Variants in PRKCE observed in about 807,000 individuals in gnomAD.
PRKCE encodes protein kinase C epsilon type.
A neutral mutation model predicts 85.4 loss-of-function variants in PRKCE; 16 were observed. The observed-to-expected ratio is 0.19, with a 90% CI of 0.13 to 0.28. The LOEUF (loss-of-function observed/expected upper bound fraction) is 0.28. PRKCE is among the 10% of genes least tolerant of loss of function. PRKCE has a pLI of 1.00. For missense variants in PRKCE, 573 were observed against 975.2 expected (o/e 0.59, Z 5.49); for synonymous variants, 388 against 371.5 (o/e 1.04, Z -0.51).
chr2:45,727,043 G>T (rs1461428665), intron 1 of PRKCE, among the ~76,000 whole-genome samples: 2 of 152,130 alleles, frequency 1.3e-5, no homozygotes, highest in Non-Finnish European at 2.9e-5. Flanking sequence ...TAATAGACCT[G>T]CCATTTGCTA....
At chr2:45,704,732 C>A (rs1473029154) in intron 1 of PRKCE, among the ~76,000 whole-genome samples, 1 of 152,166 alleles carries the variant, frequency 6.6e-6, no homozygotes, top group Non-Finnish European at 1.5e-5. Flanking sequence ...CTTCCTTCCC[C>A]CTCTAGTATT....
intron 1 of PRKCE, among the ~76,000 whole-genome samples, chr2:45,686,615 G>A (rs1245648381): frequency 6.6e-6 from 1 of 152,122 alleles, no homozygotes; most frequent in Non-Finnish European, 1.5e-5. Context: ...GGAAGCAAAT[G>A]CTTCATTCAT....
intron 9 of PRKCE, among the ~76,000 whole-genome samples, chr2:46,009,225 A>C (rs1442552087): frequency 6.6e-6 from 1 of 152,244 alleles, no homozygotes; most frequent in Non-Finnish European, 1.5e-5. Context: ...AGATTCAACT[A>C]CATAAAGATA....
chr2:45,701,832 C>T (rs963606535), intron 1 of PRKCE, among the ~76,000 whole-genome samples: 10 of 152,120 alleles, frequency 6.6e-5, no homozygotes, highest in African/African-American at 1.9e-4. Flanking sequence ...GAGACACCGA[C>T]GAGTCTAGAT....
intron 11 of PRKCE, among the ~76,000 whole-genome samples, chr2:46,135,380 G>A (rs1674866222): frequency 6.6e-6 from 1 of 152,206 alleles, no homozygotes; most frequent in East Asian, 1.9e-4. Context: ...GGGTCAGGCA[G>A]GGTGGACTCT....
chr2:45,653,372 T>TTTTTTG (rs1675225313), intron 1 of PRKCE, among the ~76,000 whole-genome samples: 1 of 96,292 alleles, frequency 1.0e-5, no homozygotes, highest in African/African-American at 6.1e-5. Context: ...TTTGGGTTGT[T>TTTTTTG]TTTTTTTTTT....
At chr2:45,861,109 G>A (rs1473528992) in intron 2 of PRKCE, among the ~76,000 whole-genome samples, 1 of 152,186 alleles carries the variant, frequency 6.6e-6, no homozygotes, top group Non-Finnish European at 1.5e-5. Flanking sequence ...CTCAAGTGGG[G>A]AGGCTTGCTT....
intron 7 of PRKCE, among the ~76,000 whole-genome samples, chr2:46,003,790 A>G (rs1281124368): frequency 1.3e-5 from 2 of 152,248 alleles, no homozygotes; most frequent in Non-Finnish European, 2.9e-5. Context: ...AAAGTGAACA[A>G]ACTGAAGTCT....
At chr2:46,033,520 C>A (rs1339144043) in intron 10 of PRKCE, among the ~76,000 whole-genome samples, 1 of 152,120 alleles carries the variant, frequency 6.6e-6, no homozygotes, top group Non-Finnish European at 1.5e-5. Context: ...TTCAATAGGG[C>A]TTGGGGATCT....
intron 11 of PRKCE, among the ~76,000 whole-genome samples, chr2:46,117,258 C>T (rs1672864281): frequency 6.6e-6 from 1 of 152,178 alleles, no homozygotes; most frequent in South Asian, 2.1e-4. Flanking sequence ...TTTTGGGAGA[C>T]TTCATTCTCA....
intron 1 of PRKCE, among the ~76,000 whole-genome samples, chr2:45,721,265 G>A (rs1043376547): frequency 2.6e-5 from 4 of 152,200 alleles, no homozygotes; most frequent in Non-Finnish European, 4.4e-5. Flanking sequence ...AAGAGGCAGA[G>A]CTAGGATTCA....
intron 10 of PRKCE, among the ~76,000 whole-genome samples, chr2:46,015,781 C>G (rs552435923): frequency 8.9e-4 from 132 of 148,902 alleles, no homozygotes; most frequent in African/African-American, 3.2e-3. Flanking sequence ...TAAATCTAAA[C>G]GAGCTGACAG....
intron 2 of PRKCE, among the ~76,000 whole-genome samples, chr2:45,844,307 T>C (rs1354617235): frequency 2.0e-5 from 3 of 152,228 alleles, no homozygotes; most frequent in Admixed American, 6.5e-5. Flanking sequence ...CCAAAATTGG[T>C]TGCTTACATT....
At position 46,184,377 on chromosome 2, in the gene PRKCE, G is replaced by A. The variant is rs1351282808; in HGVS notation, c.2068-358G>A. Among the ~76,000 whole-genome samples, 1 of 151,762 alleles carries A rather than the reference G, an allele frequency of 6.6e-6. No homozygotes were observed. The highest frequency in any genetic ancestry group is 2.4e-5 in the African/African-American group (1 of 41,236). The stretch of plus-strand genomic sequence containing the variant: ...AGGAATGTTGTAATGGAGCCAGTAG[G>A]TTACAGCAGTTGCTGAAAGAGGGTG... On this transcript the variant is annotated intron_variant, in intron 14 of 14. Transcript: ENST00000306156. The surrounding 1 kb of genome is among the most constrained non-coding windows in gnomAD (Gnocchi z 5.0).
chr2:45,980,096 G>A (rs1372341254), intron 4 of PRKCE, among the ~76,000 whole-genome samples, 200 bp from the exon 5 acceptor site: 2 of 152,212 alleles, frequency 1.3e-5, no homozygotes, highest in Non-Finnish European at 2.9e-5. Context: ...GCTCTCTGGA[G>A]CATTTAGGAA....
In PRKCE at chr2:45,919,556, C is replaced by T. The variant is rs552663069; in HGVS notation, c.413-56873C>T. On this transcript the variant is annotated intron_variant, in intron 2 of 14. Transcript: ENST00000306156. ...TGAACTGGCCTCCAAGGGAGGGCCA[C>T]GGCACATTCTGTGCTGTTTGGCTCA... 2.0e-5 allele frequency among the ~76,000 whole-genome samples: 3 copies of T among 152,340 alleles called. 1 individual carries two copies. In the South Asian group the frequency reaches 6.2e-4, roughly 32 times the overall value.
chr2:45,651,900 T>G lies in PRKCE; in HGVS notation c.-201T>G. The G allele has an allele frequency of 5.6e-5, 26 of 462,612 alleles. No individual in the cohort carries two copies. The highest frequency in any genetic ancestry group is 1.4e-4 in the East Asian group (4 of 28,690). The allele number at this position is 462,612 out of a possible 1,614,324, so 28.7% of individuals were successfully genotyped here. A position where few individuals can be genotyped will look rare whatever the true frequency, so the allele number is the denominator to read the frequency against. On this transcript the variant is annotated 5_prime_UTR_variant, in exon 1 of 15. Coordinates refer to ENST00000306156, the MANE Select transcript of PRKCE (RefSeq NM_005400.3). The stretch of plus-strand genomic sequence containing the variant: ...AGCTCTCCCCCCTCCCTGTTTTCCG[T>G]TAGGAACCCGGCGAGGAAATACATG...
chr2:45,976,538 C>A lies in PRKCE; in HGVS notation c.522C>A (p.Ala174=). Residue 174 remains alanine (A), a synonymous_variant, in exon 3 of 15, where the codon GCC becomes GCA. Transcript: ENST00000306156. The part of the protein sequence containing the change: ...VHQVNGHKFM[A]TYLRQPTYCS... Reference sequence around the variant, plus strand: ...AGGTCAACGGCCACAAGTTCATGGCCACCTATCTTCGGCAGCCCACCTACT... The same window carrying A: ...AGGTCAACGGCCACAAGTTCATGGCAACCTATCTTCGGCAGCCCACCTACT... 1 of 1,599,776 alleles carries A rather than the reference C, an allele frequency of 6.3e-7. No homozygotes were observed. Among genetic ancestry groups the A allele is most frequent in the Non-Finnish European group, 8.5e-7 (1 of 1,179,966 alleles).
chr2:45,903,416 C>T (rs973201561), intron 2 of PRKCE, among the ~76,000 whole-genome samples: 1 of 152,180 alleles, frequency 6.6e-6, no homozygotes, highest in Non-Finnish European at 1.5e-5. Context: ...TATGGCGTCA[C>T]CATCCCCATG....
Sources: allele counts gnomAD v4.1 joint callset (sites outside exome capture counted in the v4.1 genomes callset), GRCh38; gene constraint gnomAD v4.1.1; non-coding constraint Gnocchi (gnomAD v3.1); transcripts MANE v1.5; gene names NCBI Gene and HGNC (gene_info 2026-07-23, HGNC 2026-07-21).